Variants in KCNU1 observed in about 807,000 individuals in gnomAD.
The protein encoded by KCNU1 is potassium channel subfamily U member 1.
KCNU1 carries 93 observed loss-of-function variants against 126.8 expected under a neutral mutation model. The observed-to-expected ratio is 0.73, with a 90% confidence interval of 0.62 to 0.87. KCNU1 has a LOEUF of 0.87. KCNU1 is among the 40% of genes least tolerant of loss of function. The probability of loss-of-function intolerance (pLI) is 0.00; values close to 1 mark genes in which losing one functional copy is unlikely to be tolerated. For synonymous variants in KCNU1, 523 were observed against 494.2 expected (o/e 1.06, Z -0.77); for missense variants, 1,330 against 1,367.1 (o/e 0.97, Z 0.43).
chr8:36,911,839 T>C (rs2117537004), intron 22 of KCNU1, among the ~76,000 whole-genome samples: 1 of 152,350 alleles, frequency 6.6e-6, no homozygotes, highest in Non-Finnish European at 1.5e-5. Context: ...CACACATTTC[T>C]CTATGCTCAA....
chr8:36,849,822 A>AT (rs921598687), intron 18 of KCNU1, among the ~76,000 whole-genome samples: 1 of 151,962 alleles, frequency 6.6e-6, no homozygotes, highest in African/African-American at 2.4e-5. Context: ...CCTGCTTTCC[A>AT]TTTTTTTATG....
intron 19 of KCNU1, among the ~76,000 whole-genome samples, chr8:36,904,971 C>T (rs142496303): frequency 6.6e-5 from 10 of 152,198 alleles, no homozygotes; most frequent in South Asian, 2.1e-4. Context: ...TTCTAATCCT[C>T]GATTTTCTGT....
intron 10 of KCNU1, among the ~76,000 whole-genome samples, chr8:36,820,997 A>G (rs970978832): frequency 2.0e-5 from 3 of 152,212 alleles, no homozygotes; most frequent in African/African-American, 7.2e-5. Flanking sequence ...AGGTTTATAG[A>G]AAATACTCAA....
At chr8:36,837,852 A>G (rs147091700) in intron 14 of KCNU1, among the ~76,000 whole-genome samples, 1 of 152,140 alleles carries the variant, frequency 6.6e-6, no homozygotes, top group Non-Finnish European at 1.5e-5. Context: ...TTCTGAGTCC[A>G]TGCTTGCCTT....
At chr8:36,842,608 G>A (rs564704424) in intron 16 of KCNU1, among the ~76,000 whole-genome samples, 1 of 152,288 alleles carries the variant, frequency 6.6e-6, no homozygotes, top group South Asian at 2.1e-4. Context: ...ATTTTATCAA[G>A]TTTTAGTAAC....
At chr8:36,793,820 C>CCGAGG (rs1330548662) in intron 2 of KCNU1, among the ~76,000 whole-genome samples, 1 of 152,000 alleles carries the variant, frequency 6.6e-6, no homozygotes, top group Non-Finnish European at 1.5e-5. Context: ...CTTTGGGAGG[C>CCGAGG]CGAGGCAGGT....
At chr8:36,816,340 T>C (rs991681261) in intron 9 of KCNU1, among the ~76,000 whole-genome samples, 1 of 151,508 alleles carries the variant, frequency 6.6e-6, no homozygotes, top group African/African-American at 2.4e-5. Flanking sequence ...TTTTTTCCCA[T>C]CTAAGACAAA....
intron 11 of KCNU1, 50 bp from the exon 12 acceptor site, chr8:36,834,736 C>A: frequency 8.4e-7 from 1 of 1,183,534 alleles, no homozygotes; most frequent in Non-Finnish European, 1.2e-6. Flanking sequence ...AAGACCAGAG[C>A]ATTTCCCATG....
intron 19 of KCNU1, among the ~76,000 whole-genome samples, chr8:36,889,847 A>G (rs1806886249): frequency 6.6e-6 from 1 of 152,032 alleles, no homozygotes; most frequent in Admixed American, 6.6e-5. Flanking sequence ...GAAAAAAAAG[A>G]GAAAATTGCA....
chr8:36,857,432 G>A (rs1805565834), intron 18 of KCNU1, among the ~76,000 whole-genome samples: 1 of 152,184 alleles, frequency 6.6e-6, no homozygotes, highest in Admixed American at 6.5e-5. Flanking sequence ...GGAGCTGGAG[G>A]GAGGGGGAGC....
intron 16 of KCNU1, 95 bp downstream of exon 16, chr8:36,841,098 G>A: frequency 1.2e-6 from 1 of 830,636 alleles, no homozygotes; most frequent in Non-Finnish European, 1.9e-6. Context: ...CAAAGATGCA[G>A]CTATAACTAA....
chr8:36,918,835 G>A lies in KCNU1; in HGVS notation c.2534G>A (p.Gly845Asp). Residue 845 changes from glycine (G) to aspartate (D), a missense_variant, in exon 23 of 27, where the codon GGT becomes GAT. By Grantham distance (94) the Gly-to-Asp change is moderately conservative. Around this residue, in one of 3 missense-constraint regions of KCNU1, gnomAD observed 1,054 missense variants for 1,053.9 expected, o/e 1.00. Transcript: ENST00000399881. ...PSPSVSEETP[G>D]YTNGHNEKSN... ...TTCTTCTTTGCAGAGGAGACTCCAG[G>A]TTACACAAATGGACATAATGAGAAA... 6.2e-7 allele frequency: 1 copy of A among 1,604,168 alleles called. No homozygotes were observed.
intron 7 of KCNU1, among the ~76,000 whole-genome samples, chr8:36,809,954 T>A (rs1346938415): frequency 6.6e-6 from 1 of 152,136 alleles, no homozygotes; most frequent in Admixed American, 6.5e-5. Flanking sequence ...ATTTCTGAAT[T>A]CTTTGGGAAA....
At chr8:36,822,260 T>A (rs1339556829) in intron 10 of KCNU1, among the ~76,000 whole-genome samples, 1 of 152,120 alleles carries the variant, frequency 6.6e-6, no homozygotes, top group African/African-American at 2.4e-5. Context: ...CAAACATATA[T>A]ACATACGTAT....
At position 36,902,385 on chromosome 8, in the gene KCNU1, C is replaced by A. The variant is rs374111090; in HGVS notation, c.2010-3323C>A. ...AATTTGCCAATAGGGCATTTAACTA[C>A]CAGACCAAAGACTCTTCATTTATCA... On this transcript the variant is annotated intron_variant, in intron 19 of 26. Coordinates refer to ENST00000399881, the MANE Select transcript of KCNU1 (RefSeq NM_001031836.3). Among the ~76,000 whole-genome samples the A allele has an allele frequency of 6.5e-3, 994 of 152,090 alleles. 20 individuals carry two copies. The highest frequency in any genetic ancestry group is 0.023 in the African/African-American group (953 of 41,500).
At chr8:36,788,531 C>A (rs149790467) in intron 2 of KCNU1, among the ~76,000 whole-genome samples, 53 of 152,264 alleles carry the variant, frequency 3.5e-4, no homozygotes, top group South Asian at 2.3e-3. Context: ...TAAAGATTAT[C>A]CTCTGTTTTT....
At chr8:36,857,729 T>A (rs915657108) in intron 18 of KCNU1, among the ~76,000 whole-genome samples, 1 of 152,118 alleles carries the variant, frequency 6.6e-6, no homozygotes, top group Non-Finnish European at 1.5e-5. Context: ...CATTGCAAGC[T>A]CCACCTCCCG....
chr8:36,787,472 G>T, intron 2 of KCNU1, 47 bp downstream of exon 2: 1 of 1,554,914 alleles, frequency 6.4e-7, no homozygotes, highest in Non-Finnish European at 8.7e-7. Context: ...TTAGCCATAG[G>T]TGTGATTATA....
At chr8:36,799,375 G>A (rs995408326) in intron 2 of KCNU1, among the ~76,000 whole-genome samples, 20 of 151,842 alleles carry the variant, frequency 1.3e-4, no homozygotes, top group African/African-American at 4.8e-4. Flanking sequence ...AAGTCTTGGT[G>A]GGCCTTTTCG....
Sources: allele counts gnomAD v4.1 joint callset (sites outside exome capture counted in the v4.1 genomes callset), GRCh38; gene constraint gnomAD v4.1.1; regional missense constraint gnomAD v4.1.1; transcripts MANE v1.5; gene names NCBI Gene and HGNC (gene_info 2026-07-23, HGNC 2026-07-21).